The following ZNF280C variants were observed in gnomAD, a reference collection of about 807,000 sequenced individuals.
ZNF280C encodes suppressor of hairy wing homolog 3.
In ZNF280C, 14 loss-of-function variants were observed where a neutral mutation model predicts 53.6. That is an observed-to-expected ratio of 0.26 (90% confidence interval 0.17 to 0.41). ZNF280C has a LOEUF of 0.41. ZNF280C is among the 10% of genes least tolerant of loss of function. The probability of loss-of-function intolerance (pLI) is 1.00; values close to 1 mark genes in which losing one functional copy is unlikely to be tolerated. For synonymous variants in ZNF280C, 203 were observed against 181.1 expected, an observed-to-expected ratio of 1.12 and a Z score of -0.97; for missense variants, 416 against 547.1, an observed-to-expected ratio of 0.76 and a Z score of 2.39.
intron 9 of ZNF280C, 61 bp downstream of exon 9, chrX:130,230,449 C>G: frequency 6.4e-6 from 5 of 776,278 alleles, no homozygotes; most frequent in Non-Finnish European, 9.3e-6. Flanking sequence ...TGTAAAGATA[C>G]TATATTCTTA....
intron 12 of ZNF280C, among the ~76,000 whole-genome samples, chrX:130,223,019 T>C (rs2032185432): frequency 9.0e-6 from 1 of 111,542 alleles, no homozygotes; most frequent in South Asian, 3.8e-4. Context: ...AGTTAAGTGT[T>C]GAACTTCTTG....
chrX:130,255,408 G>C (rs1452908919), intron 2 of ZNF280C, among the ~76,000 whole-genome samples: 1 of 105,824 alleles, frequency 9.4e-6, no homozygotes, highest in Non-Finnish European at 1.9e-5. Context: ...CCAAAGTGCT[G>C]GGATTACAGG....
chrX:130,246,202 T>C (rs2032448459), intron 3 of ZNF280C, among the ~76,000 whole-genome samples: 1 of 112,579 alleles, frequency 8.9e-6, no homozygotes, highest in Admixed American at 9.4e-5. Flanking sequence ...GCCAAAAAGA[T>C]TTACGTGTGC....
chrX:130,242,906 G>A (rs1427157475), intron 5 of ZNF280C, among the ~76,000 whole-genome samples: 4 of 111,158 alleles, frequency 3.6e-5, no homozygotes, highest in Non-Finnish European at 5.7e-5. Flanking sequence ...TCGAACTACT[G>A]AGCTCAAGCA....
intron 14 of ZNF280C, 40 bp downstream of exon 14, chrX:130,215,751 G>A: frequency 9.2e-7 from 1 of 1,085,686 alleles, no homozygotes; most frequent in Non-Finnish European, 1.2e-6. Context: ...ATATACATAA[G>A]ATTAAATTTG....
At chrX:130,241,900 T>C (rs2032394120) in intron 5 of ZNF280C, among the ~76,000 whole-genome samples, 1 of 109,724 alleles carries the variant, frequency 9.1e-6, no homozygotes, top group South Asian at 4.0e-4. Context: ...ATTTATCCTC[T>C]CTGAGCCTGA....
chrX:130,239,871 C>T (rs2032370720), intron 5 of ZNF280C, among the ~76,000 whole-genome samples, 178 bp from the exon 6 acceptor site: 1 of 110,964 alleles, frequency 9.0e-6, no homozygotes, highest in South Asian at 3.7e-4. Context: ...GGGAACTCTG[C>T]ATTATTTTTG....
chrX:130,243,604 A>T lies in ZNF280C; in HGVS notation c.340T>A (p.Ser114Thr). 1 of 1,211,301 alleles carries T rather than the reference A, an allele frequency of 8.3e-7. No homozygotes were observed. The highest frequency in any genetic ancestry group is 1.1e-6 in the Non-Finnish European group (1 of 894,874). The part of the protein sequence containing the change: ...ASPRFHLVSK[S>T]SQSSVTVENA... ...TCAACAGTAACAGAGCTTTGTGAAG[A>T]TTTAGATACAAGATGAAATCTAGGC... Residue 114 changes from serine to threonine, a missense_variant, in exon 5 of 19, where the codon TCT (serine) becomes ACT (threonine). By Grantham distance (58) the Ser-to-Thr change is moderately conservative. This residue lies in a region of ZNF280C where 193 missense variants were observed against 201.4 expected (regional missense o/e 0.96). Transcript: ENST00000370978.
chrX:130,241,611 C>A (rs141996687), intron 5 of ZNF280C, among the ~76,000 whole-genome samples: 1 of 111,067 alleles, frequency 9.0e-6, no homozygotes, highest in Admixed American at 9.6e-5. Context: ...AAATTAAAAG[C>A]CAAATTAGCT....
chrX:130,261,052 G>A (rs1454239165), intron 1 of ZNF280C, among the ~76,000 whole-genome samples: 2 of 112,028 alleles, frequency 1.8e-5, no homozygotes, highest in East Asian at 5.5e-4. Flanking sequence ...TAACAGAAAA[G>A]TAATTGGATA....
At chrX:130,253,221 T>C (rs111576712) in intron 2 of ZNF280C, among the ~76,000 whole-genome samples, 10 of 111,918 alleles carry the variant, frequency 8.9e-5, no homozygotes, top group African/African-American at 2.9e-4. Context: ...AGGTTAAAGA[T>C]CTCTTCAATG....
chrX:130,235,389 G>C (rs1023204776), intron 8 of ZNF280C, among the ~76,000 whole-genome samples: 1 of 111,378 alleles, frequency 9.0e-6, no homozygotes, highest in Admixed American at 9.5e-5. Flanking sequence ...GTGGTGCTAC[G>C]TGTAATCCCA....
chrX:130,223,979 G>C (rs935266076), intron 12 of ZNF280C, among the ~76,000 whole-genome samples: 2 of 111,606 alleles, frequency 1.8e-5, no homozygotes, highest in Admixed American at 9.6e-5. Flanking sequence ...CTTATCAATA[G>C]AATCTTACCT....
intron 2 of ZNF280C, among the ~76,000 whole-genome samples, chrX:130,255,839 T>C (rs1450141914): frequency 2.7e-5 from 3 of 111,750 alleles, no homozygotes; most frequent in African/African-American, 6.5e-5. Context: ...CCTGTAATTC[T>C]AGCTGCTTGG....
intron 11 of ZNF280C, 82 bp downstream of exon 11, chrX:130,227,600 T>TA (rs2032233324): frequency 6.5e-6 from 5 of 764,176 alleles, no homozygotes; most frequent in Non-Finnish European, 9.9e-6. Flanking sequence ...TAAATGGCTT[T>TA]AAAAAATCAA....
At chrX:130,235,829 C>T (rs1004278310) in intron 8 of ZNF280C, among the ~76,000 whole-genome samples, 1 of 111,790 alleles carries the variant, frequency 8.9e-6, no homozygotes, top group African/African-American at 3.2e-5. Flanking sequence ...AACCTCTCTT[C>T]CTCTTCTCCT....
At chrX:130,209,045 T>C (rs2046780389) in intron 16 of ZNF280C, among the ~76,000 whole-genome samples, 1 of 112,152 alleles carries the variant, frequency 8.9e-6, no homozygotes, top group South Asian at 3.6e-4. Context: ...CTATGAGCTG[T>C]TGGTCCAACA....
chrX:130,228,950 C>G, intron 10 of ZNF280C, 27 bp downstream of exon 10: 5 of 1,114,971 alleles, frequency 4.5e-6, no homozygotes, highest in Non-Finnish European at 6.0e-6. Flanking sequence ...CAACAATATT[C>G]AGGATTCCAA....
Position 130,236,499 on chromosome X carries a change from C to T in ZNF280C, c.634G>A (p.Val212Met). 8.3e-7 allele frequency: 1 copy of T among 1,204,665 alleles called. No individual in the cohort carries two copies. Among genetic ancestry groups the T allele is most frequent in the Non-Finnish European group, 1.1e-6 (1 of 892,539 alleles). The part of the protein sequence containing the change: ...TSLPLIGSPP[V>M]TSSQVMLSKG... ...GACAGCATAACTTGGGAGGATGTCA[C>T]TGGAGGAGAGCCAATTAAAGGCAAT... Residue 212 changes from valine (V) to methionine (M), a missense_variant, in exon 7 of 19, where the codon GTG becomes ATG. Transcript: ENST00000370978.
Sources: allele counts gnomAD v4.1 joint callset (sites outside exome capture counted in the v4.1 genomes callset), GRCh38; gene constraint gnomAD v4.1.1; regional missense constraint gnomAD v4.1.1; transcripts MANE v1.5; gene names NCBI Gene and HGNC (gene_info 2026-07-23, HGNC 2026-07-21).